FHIP1A: variants seen among roughly 807,000 people sequenced by gnomAD.
FHIP1A encodes the protein FHF complex subunit HOOK interacting protein 1A.
A neutral mutation model predicts 88.6 loss-of-function variants in FHIP1A; 61 were observed. That is an observed-to-expected ratio of 0.69 (90% CI 0.56 to 0.85). FHIP1A has a LOEUF of 0.85. Ranked by LOEUF, FHIP1A falls within the 40% of genes least tolerant of loss-of-function variation. The pLI, the probability that FHIP1A is intolerant of heterozygous loss-of-function variation, is 0.00. For missense variants in FHIP1A, 1,154 were observed against 1,273.5 expected (o/e 0.91, Z 1.43); for synonymous variants, 478 against 496.0 (o/e 0.96, Z 0.48).
At chr4:151,647,701 A>G (rs950529862) in intron 10 of FHIP1A, among the ~76,000 whole-genome samples, 3 of 152,254 alleles carry the variant, frequency 2.0e-5, no homozygotes, top group Non-Finnish European at 4.4e-5. Context: ...TAGGCAAATT[A>G]GTATGGATAT....
At chr4:151,557,270 T>C (rs982166581) in intron 3 of FHIP1A, among the ~76,000 whole-genome samples, 1 of 152,228 alleles carries the variant, frequency 6.6e-6, no homozygotes, top group African/African-American at 2.4e-5. Context: ...TGCAGGATGC[T>C]TTCAAGGGGG....
chr4:151,586,620 T>G (rs1190396057), intron 5 of FHIP1A, 21 bp from the exon 6 acceptor site: 3 of 1,524,858 alleles, frequency 2.0e-6, no homozygotes, highest in Non-Finnish European at 1.8e-6. Context: ...GCATTTATTT[T>G]GTTTTTATTT....
rs145724784 is a variant in FHIP1A at position 151,576,682 on chromosome 4, C to T, written c.106-768C>T. The T allele has an allele frequency of 1.1e-4, 17 of 152,240 alleles. No individual in the cohort carries two copies. The East Asian group carries it at 2.9e-3, about 26-fold the overall frequency. 9.4% of individuals were successfully genotyped at this position (152,240 alleles called of 1,614,324 possible). On this transcript the variant is annotated intron_variant, in intron 4 of 13. Coordinates refer to ENST00000435205, the MANE Select transcript of FHIP1A (RefSeq NM_001109977.3). ...GCTTAAAGAAACACAGCATTCAAAC[C>T]CTTCATTTTTTAGTTTCAGTACATG...
chr4:151,465,230 A>G (rs1234289252), intron 2 of FHIP1A, among the ~76,000 whole-genome samples: 3 of 152,124 alleles, frequency 2.0e-5, no homozygotes, highest in African/African-American at 7.2e-5. Flanking sequence ...CTACCATCAG[A>G]GAATACTATA....
At chr4:151,661,876 C>T (rs1307692089) in intron 13 of FHIP1A, among the ~76,000 whole-genome samples, 2 of 152,224 alleles carry the variant, frequency 1.3e-5, no homozygotes, top group East Asian at 1.9e-4. Context: ...GTCTTTCCAG[C>T]ACCCAACTTC....
chr4:151,629,325 C>T (rs1274727114), intron 7 of FHIP1A, among the ~76,000 whole-genome samples: 2 of 152,144 alleles, frequency 1.3e-5, no homozygotes, highest in African/African-American at 4.8e-5. Context: ...AATAAAGAAA[C>T]AAGTTATTCC....
chr4:151,610,707 C>A (rs1735289086), intron 7 of FHIP1A, among the ~76,000 whole-genome samples: 1 of 152,122 alleles, frequency 6.6e-6, no homozygotes. Flanking sequence ...ATTCCAACTA[C>A]ATTTATCCAA....
intron 1 of FHIP1A, among the ~76,000 whole-genome samples, chr4:151,452,029 T>G (rs983536703): frequency 3.3e-5 from 5 of 152,096 alleles, no homozygotes; most frequent in African/African-American, 1.2e-4. Context: ...TTACGCTGCC[T>G]AGGTTGGTCT....
intron 1 of FHIP1A, among the ~76,000 whole-genome samples, chr4:151,419,273 A>G (rs1733022204): frequency 1.3e-5 from 2 of 152,090 alleles, no homozygotes; most frequent in Middle Eastern, 3.2e-3. Flanking sequence ...TCTCTGTTTG[A>G]CTGTTTTCAA....
chr4:151,582,888 A>C (rs1734076507), intron 5 of FHIP1A, among the ~76,000 whole-genome samples: 1 of 152,220 alleles, frequency 6.6e-6, no homozygotes, highest in Non-Finnish European at 1.5e-5. Context: ...TTAAAAAATG[A>C]AATTTAAAAG....
intron 4 of FHIP1A, among the ~76,000 whole-genome samples, chr4:151,566,861 T>A (rs2126772902): frequency 1.3e-5 from 2 of 152,266 alleles, no homozygotes; most frequent in East Asian, 3.9e-4. Flanking sequence ...GAAGAGGGAA[T>A]AGAAAATTAC....
At chr4:151,615,855 G>A (rs374832536) in intron 7 of FHIP1A, among the ~76,000 whole-genome samples, 2 of 152,142 alleles carry the variant, frequency 1.3e-5, no homozygotes, top group East Asian at 3.9e-4. Context: ...GTCACACCTG[G>A]TGTCATGGTT....
chr4:151,607,112 C>T (rs143217873), intron 7 of FHIP1A, among the ~76,000 whole-genome samples: 6 of 152,240 alleles, frequency 3.9e-5, no homozygotes, highest in East Asian at 3.9e-4. Context: ...AGATGCTGTC[C>T]GAGATCCAGT....
chr4:151,500,878 G>A lies in FHIP1A; in HGVS notation c.-123+18230G>A, dbSNP rs776283176. Among the ~76,000 whole-genome samples, 91 of 152,224 alleles carry A rather than the reference G, an allele frequency of 6.0e-4. 1 individual carries two copies. The highest frequency in any genetic ancestry group is 3.8e-4 in the Non-Finnish European group (26 of 68,024). On this transcript the variant is annotated intron_variant, in intron 3 of 13. Transcript: ENST00000435205. ...ATTTTTCAGATAGGTTACTCACCAC[G>A]GACACACCAGCATATACTTTTATGT...
Position 151,529,428 on chromosome 4 carries a change from A to C in FHIP1A, c.-122-36710A>C, listed in dbSNP as rs532291855. ...GCCATCTAGCTTTACCTCCTAGTTC[A>C]AATCCCCAGGATAATTTGAAAGGCT... On this transcript the variant is annotated intron_variant, in intron 3 of 13. Transcript: ENST00000435205. Among the ~76,000 whole-genome samples, 3 of 152,326 alleles carry C rather than the reference A, an allele frequency of 2.0e-5. No homozygotes were observed. In the East Asian group the frequency reaches 5.8e-4, roughly 29 times the overall value.
intron 2 of FHIP1A, among the ~76,000 whole-genome samples, chr4:151,459,853 A>G (rs1165883058): frequency 2.6e-5 from 4 of 152,338 alleles, no homozygotes; most frequent in Non-Finnish European, 5.9e-5. Context: ...CTATTTATTA[A>G]GGTTGACGGA....
At chr4:151,563,121 T>C (rs954221170) in intron 3 of FHIP1A, among the ~76,000 whole-genome samples, 1 of 152,104 alleles carries the variant, frequency 6.6e-6, no homozygotes, top group Non-Finnish European at 1.5e-5. Context: ...ATAATATTAA[T>C]GAGATATAAA....
chr4:151,558,810 C>G (rs1345641046), intron 3 of FHIP1A, among the ~76,000 whole-genome samples: 1 of 152,132 alleles, frequency 6.6e-6, no homozygotes, highest in Non-Finnish European at 1.5e-5. Context: ...TCTAGACTGA[C>G]AAAAACTTTG....
At chr4:151,455,726 A>G (rs1728944555) in intron 2 of FHIP1A, among the ~76,000 whole-genome samples, 1 of 152,222 alleles carries the variant, frequency 6.6e-6, no homozygotes, top group African/African-American at 2.4e-5. Flanking sequence ...ATTACACAGA[A>G]TATAGCACTG....
Sources: allele counts gnomAD v4.1 joint callset (sites outside exome capture counted in the v4.1 genomes callset), GRCh38; gene constraint gnomAD v4.1.1; transcripts MANE v1.5; gene names NCBI Gene and HGNC (gene_info 2026-07-23, HGNC 2026-07-21).